The following CACNB2 variants were observed in gnomAD, a reference collection of about 807,000 sequenced individuals.
The protein encoded by CACNB2 is voltage-dependent L-type calcium channel subunit beta-2.
Under a neutral mutation model 73.3 loss-of-function variants are expected in CACNB2, and 42 were observed. The observed-to-expected ratio is 0.57, with a 90% CI of 0.45 to 0.74. The LOEUF is 0.74. Among genes scored for constraint, CACNB2 ranks in the 30% least tolerant of loss-of-function variants. The probability of loss-of-function intolerance (pLI) is 0.00; values close to 1 mark genes in which losing one functional copy is unlikely to be tolerated. For synonymous variants in CACNB2, 348 were observed against 310.3 expected, an observed-to-expected ratio of 1.12 and a Z score of -1.28; for missense variants, 940 against 853.0, an observed-to-expected ratio of 1.10 and a Z score of -1.27.
chr10:18,274,651 T>G (rs2038199448), intron 2 of CACNB2, among the ~76,000 whole-genome samples: 1 of 152,338 alleles, frequency 6.6e-6, no homozygotes, highest in East Asian at 1.9e-4. Flanking sequence ...TAATTTAGTC[T>G]TATGGCTTTA....
intron 2 of CACNB2, among the ~76,000 whole-genome samples, chr10:18,388,698 A>C (rs529833156): frequency 6.6e-6 from 1 of 152,222 alleles, no homozygotes; most frequent in Non-Finnish European, 1.5e-5. Context: ...TATTTAAGCA[A>C]TCATAGGAGA....
chr10:18,527,601 A>G lies in CACNB2; in HGVS notation c.958A>G (p.Arg320Gly), dbSNP rs1564656059. ...HRFEGRISIT[R>G]VTADISLAKR... ...TTCCTCCAACAGGATATCCATCACA[A>G]GGGTCACCGCTGACATCTCGCTTGC... Residue 320 changes from arginine (R) to glycine (G), a missense_variant, in exon 10 of 14, where the codon AGG becomes GGG. By Grantham distance (125) the Arg-to-Gly change is moderately radical. Transcript: ENST00000324631. 2 of 1,613,280 alleles carry G rather than the reference A, an allele frequency of 1.2e-6. No homozygotes were observed. Among genetic ancestry groups the G allele is most frequent in the Non-Finnish European group, 1.7e-6 (2 of 1,179,244 alleles).
At chr10:18,483,445 C>G (rs1409732448) in intron 3 of CACNB2, among the ~76,000 whole-genome samples, 1 of 150,616 alleles carries the variant, frequency 6.6e-6, no homozygotes, top group African/African-American at 2.4e-5. Context: ...ACAGGAGAAT[C>G]GCTTGAACCC....
intron 2 of CACNB2, among the ~76,000 whole-genome samples, chr10:18,275,556 G>A (rs774169522): frequency 3.9e-5 from 6 of 151,962 alleles, no homozygotes; most frequent in Non-Finnish European, 8.8e-5. Flanking sequence ...CATGGCACAC[G>A]TTTACCTATG....
chr10:18,346,115 T>A (rs1055486580), intron 2 of CACNB2, among the ~76,000 whole-genome samples: 53 of 152,254 alleles, frequency 3.5e-4, no homozygotes, highest in African/African-American at 1.2e-3. Context: ...TCTTCCACTC[T>A]CCTCTTAAGA....
chr10:18,322,498 A>G (rs1337588772), intron 2 of CACNB2, among the ~76,000 whole-genome samples: 1 of 152,182 alleles, frequency 6.6e-6, no homozygotes, highest in Non-Finnish European at 1.5e-5. Flanking sequence ...CCACATTTCC[A>G]TAATTTTACA....
intron 2 of CACNB2, among the ~76,000 whole-genome samples, chr10:18,268,518 G>C (rs913174315): frequency 6.6e-6 from 1 of 152,178 alleles, no homozygotes; most frequent in Admixed American, 6.5e-5. Flanking sequence ...TAAAAATTAA[G>C]ACGTAGAGCA....
chr10:18,358,070 A>G (rs2041994458), intron 2 of CACNB2, among the ~76,000 whole-genome samples: 4 of 152,170 alleles, frequency 2.6e-5, no homozygotes, highest in Admixed American at 2.6e-4. Context: ...AGAAACAGGA[A>G]AACACATTCA....
At position 18,536,087 on chromosome 10, in the gene CACNB2, A is replaced by ATTATC. The variant is rs2053543929; in HGVS notation, c.1207-11_1207-7dup. The ATTATC allele has an allele frequency of 6.6e-7, 1 of 1,514,370 alleles. No individual in the cohort carries two copies. The highest frequency in any genetic ancestry group is 1.7e-5 in the Admixed American group (1 of 59,812). 93.8% of individuals were successfully genotyped at this position (1,514,370 alleles called of 1,614,324 possible). A position where few individuals can be genotyped will look rare whatever the true frequency, so the allele number is the denominator to read the frequency against. ...GTAGTTATTACTCTGTTAAAAACTC[A>ATTATC]TTATCTTTTACAGGTTTTACAAAGG... On this transcript the variant is annotated splice_polypyrimidine_tract_variant and intron_variant, in intron 11 of 13. Coordinates refer to ENST00000324631, the MANE Select transcript of CACNB2 (RefSeq NM_201596.3).
In CACNB2 at chr10:18,156,642, G is replaced by C. The variant is rs116833163; in HGVS notation, c.213+5667G>C. Among the ~76,000 whole-genome samples the C allele has an allele frequency of 4.6e-5, 7 of 152,172 alleles. 1 individual carries two copies. Among genetic ancestry groups the C allele is most frequent in the Admixed American group, 3.3e-4 (5 of 15,280 alleles). ...CTATTCCATATAAACTTGTTGTAAA[G>C]TGATAAACTAGCTCATCTTATACAG... On this transcript the variant is annotated intron_variant, in intron 2 of 13. Transcript: ENST00000324631.
At chr10:18,169,396 A>T (rs564623979) in intron 2 of CACNB2, among the ~76,000 whole-genome samples, 106 of 152,306 alleles carry the variant, frequency 7.0e-4, no homozygotes, top group African/African-American at 2.5e-3. Context: ...TTCTGATTAC[A>T]AAAGGCATAT....
At chr10:18,530,635 T>C (rs143254328) in intron 10 of CACNB2, among the ~76,000 whole-genome samples, 6 of 152,224 alleles carry the variant, frequency 3.9e-5, no homozygotes, top group African/African-American at 1.4e-4. Flanking sequence ...ACAGAATGGT[T>C]GTATGGGGAC....
At chr10:18,220,232 T>TATATATAGAG (rs1488872721) in intron 2 of CACNB2, among the ~76,000 whole-genome samples, 14 of 25,080 alleles carry the variant, frequency 5.6e-4, no homozygotes, top group African/African-American at 1.2e-3. Flanking sequence ...TATATATATA[T>TATATATAGAG]AGAGAGAGAG....
rs1385441115 is a variant in CACNB2, at chr10:18,295,510, C to T, written c.214-106414C>T. Among the ~76,000 whole-genome samples, 4 of 152,194 alleles carry T rather than the reference C, an allele frequency of 2.6e-5. No homozygotes were observed. In the South Asian group the frequency reaches 6.2e-4, roughly 24 times the overall value. ...AACTGAAATCAGTCACACTGAACCT[C>T]CCAGTGTTCCATATCTATGGTCCTA... On this transcript the variant is annotated intron_variant, in intron 2 of 13. Transcript: ENST00000324631.
intron 3 of CACNB2, among the ~76,000 whole-genome samples, chr10:18,415,644 A>G (rs566230936): frequency 2.3e-4 from 35 of 152,286 alleles, no homozygotes; most frequent in African/African-American, 7.2e-4. Flanking sequence ...TTAACCAGCA[A>G]TGTGATTCTC....
At chr10:18,478,746 T>C (rs555759630) in intron 3 of CACNB2, among the ~76,000 whole-genome samples, 1 of 152,192 alleles carries the variant, frequency 6.6e-6, no homozygotes, top group Non-Finnish European at 1.5e-5. Flanking sequence ...CTAGGGAGAA[T>C]GAATGGATCC....
At chr10:18,153,816 A>G (rs2131050289) in intron 2 of CACNB2, among the ~76,000 whole-genome samples, 1 of 148,876 alleles carries the variant, frequency 6.7e-6, no homozygotes, top group East Asian at 2.0e-4. Context: ...TCCTGACCTC[A>G]GGTGATCCGC....
chr10:18,536,243 C>CTTTTCTTT (rs1327787339), intron 12 of CACNB2, 47 bp downstream of exon 12: 7,417 of 280,580 alleles, frequency 0.026, 566 homozygotes, highest in African/African-American at 0.059. Context: ...GAGATCAGAC[C>CTTTTCTTT]TTTTTTTTTT....
chr10:18,431,008 C>G (rs1197179426), intron 3 of CACNB2, among the ~76,000 whole-genome samples: 2 of 152,160 alleles, frequency 1.3e-5, no homozygotes, highest in Admixed American at 1.3e-4. Flanking sequence ...GACAGGATCT[C>G]ACTCTGTCAC....
Sources: allele counts gnomAD v4.1 joint callset (sites outside exome capture counted in the v4.1 genomes callset), GRCh38; gene constraint gnomAD v4.1.1; transcripts MANE v1.5; gene names NCBI Gene and HGNC (gene_info 2026-07-23, HGNC 2026-07-21).